The following COA1 variants were observed in gnomAD, a reference collection of about 807,000 sequenced individuals.
COA1 encodes cytochrome c oxidase assembly factor 1, also known as cytochrome c oxidase assembly factor 1 homolog.
In COA1, 13 loss-of-function variants were observed where a neutral mutation model predicts 16.0. That is an observed-to-expected ratio of 0.81 (90% CI 0.53 to 1.29). COA1 has a LOEUF of 1.29. Ranked by LOEUF, COA1 falls within the 50% of genes most tolerant of loss-of-function variation. The probability of loss-of-function intolerance (pLI) is 0.00; values close to 1 mark genes in which losing one functional copy is unlikely to be tolerated. For missense variants in COA1, 179 were observed against 177.0 expected (o/e 1.01, Z -0.06); for synonymous variants, 65 against 65.7 (o/e 0.99, Z 0.05).
chr7:43,705,295 C>T (rs536375049), intron 1 of COA1, among the ~76,000 whole-genome samples: 5 of 152,346 alleles, frequency 3.3e-5, no homozygotes, highest in South Asian at 2.1e-4. Flanking sequence ...CAGAGTGGCA[C>T]GGGGAAGCTG....
At chr7:43,693,119 T>C (rs990579955) in intron 1 of COA1, among the ~76,000 whole-genome samples, 2 of 152,142 alleles carry the variant, frequency 1.3e-5, no homozygotes, top group African/African-American at 4.8e-5. Context: ...TGCAGCCTTA[T>C]TCAGCCACAG....
chr7:43,653,283 G>T (rs536530540), intron 1 of COA1, among the ~76,000 whole-genome samples: 39 of 151,550 alleles, frequency 2.6e-4, no homozygotes, highest in Non-Finnish European at 5.0e-4. Context: ...CTGCACTCCA[G>T]CCTGGGCGAC....
rs183789445 is a variant in COA1 at position 43,664,660 on chromosome 7, T to C, written c.-38-16008A>G. Among the ~76,000 whole-genome samples, 447 of 152,212 alleles carry C rather than the reference T, an allele frequency of 2.9e-3. 3 individuals are homozygous for C. The highest frequency in any genetic ancestry group is 4.5e-3 in the Non-Finnish European group (307 of 67,988). On this transcript the variant is annotated intron_variant, in intron 1 of 5. Transcript: ENST00000223336. The stretch of plus-strand genomic sequence containing the variant: ...TATTTGGGAGCCTAAAGTAGGAGGG[T>C]CACTTGAGCCCAGGGGTTCAAGGCT...
chr7:43,700,110 G>A (rs1410949763), intron 1 of COA1, among the ~76,000 whole-genome samples: 2 of 152,038 alleles, frequency 1.3e-5, no homozygotes, highest in Non-Finnish European at 2.9e-5. Context: ...GATGCTCAAT[G>A]GCTTTAATGG....
chr7:43,639,652 A>G lies in COA1; in HGVS notation c.371T>C (p.Leu124Pro). Residue 124 changes from leucine to proline, a missense_variant, in exon 6 of 6, where the codon CTC (leucine) becomes CCC (proline). Physicochemically the swap from Leu to Pro is moderately conservative, Grantham distance 98. Transcript: ENST00000223336. The stretch of plus-strand genomic sequence containing the variant: ...CACAGGAATCTGCTGACCATCCTTG[A>G]GCTCTAAAAAGACCTCGTCAAGGTG... The part of the protein sequence containing the change: ...RWHLDEVFLE[L>P]KDGQQIPVFK... 1 of 1,614,080 alleles carries G rather than the reference A, an allele frequency of 6.2e-7. No individual in the cohort carries two copies. Among genetic ancestry groups the G allele is most frequent in the Middle Eastern group, 1.6e-4 (1 of 6,062 alleles).
chr7:43,700,591 C>CGTGTGTGTGTGTGTGTGTGT (rs58589217), intron 1 of COA1, among the ~76,000 whole-genome samples: 1 of 144,868 alleles, frequency 6.9e-6, no homozygotes, highest in Non-Finnish European at 1.5e-5. Context: ...TGTATATATA[C>CGTGTGTGTGTGTGTGTGTGT]GTGTGTGTGT....
intron 1 of COA1, among the ~76,000 whole-genome samples, chr7:43,709,466 G>GT (rs1458316161): frequency 1.7e-4 from 26 of 151,094 alleles, no homozygotes; most frequent in Admixed American, 5.9e-4. Context: ...GTGTGTGTGT[G>GT]TGTGTGTATA....
rs1249934302 is a variant in COA1, at chr7:43,639,402, G to A, written c.*180C>T. ...TTAAAAATGACAAATAGCATTTGTTGTGCCCAAGTTAGAATTACACCAAAA... is the reference window on the plus strand; with the variant it reads ...TTAAAAATGACAAATAGCATTTGTTATGCCCAAGTTAGAATTACACCAAAA... On this transcript the variant is annotated 3_prime_UTR_variant, in exon 6 of 6. Transcript: ENST00000223336. The A allele has an allele frequency of 2.0e-6, 1 of 493,166 alleles. No individual in the cohort carries two copies. The highest frequency in any genetic ancestry group is 3.4e-5 in the South Asian group (1 of 29,082). The allele number at this position is 493,166 out of a possible 1,614,324, so 30.5% of individuals were successfully genotyped here.
chr7:43,712,512 T>C (rs1390561221), intron 1 of COA1, among the ~76,000 whole-genome samples: 1 of 152,212 alleles, frequency 6.6e-6, no homozygotes, highest in African/African-American at 2.4e-5. Flanking sequence ...CCTGTATATG[T>C]GATCTGGGTT....
At chr7:43,669,134 T>C (rs998855155) in intron 1 of COA1, among the ~76,000 whole-genome samples, 4 of 152,070 alleles carry the variant, frequency 2.6e-5, no homozygotes, top group Admixed American at 6.5e-5. Context: ...CGATGCCCCT[T>C]CTCAGCAGGA....
intron 4 of COA1, among the ~76,000 whole-genome samples, chr7:43,641,249 G>T (rs1479046239): frequency 6.9e-6 from 1 of 144,348 alleles, no homozygotes; most frequent in Non-Finnish European, 1.5e-5. Context: ...ACAACTGGGT[G>T]TATTTGTTAA....
In COA1 at chr7:43,650,923, C is replaced by T. The variant is rs1350043936; in HGVS notation, c.-38-2271G>A. 3.3e-5 allele frequency among the ~76,000 whole-genome samples: 5 copies of T among 151,862 alleles called. No individual in the cohort carries two copies. The East Asian group carries it at 5.8e-4, about 18-fold the overall frequency. On this transcript the variant is annotated intron_variant, in intron 1 of 5. Coordinates refer to ENST00000223336, the MANE Select transcript of COA1 (RefSeq NM_018224.4). Reference sequence around the variant, plus strand: ...ACCAAGTCTCCCCAGAGCCCTTCCACGTCAAAGCAGGGGTTGGGGTGTGAG... The same window carrying T: ...ACCAAGTCTCCCCAGAGCCCTTCCATGTCAAAGCAGGGGTTGGGGTGTGAG...
At chr7:43,693,861 T>C (rs1427972833) in intron 1 of COA1, among the ~76,000 whole-genome samples, 2 of 152,078 alleles carry the variant, frequency 1.3e-5, no homozygotes, top group Non-Finnish European at 2.9e-5. Flanking sequence ...GACCTTGCTA[T>C]ACACTTATGA....
intron 6 of COA1, among the ~76,000 whole-genome samples, chr7:43,614,482 T>C (rs2083168114): frequency 6.6e-6 from 1 of 152,260 alleles, no homozygotes; most frequent in African/African-American, 2.4e-5. Flanking sequence ...AGGACATGTA[T>C]TTCGGCTTAT....
intron 1 of COA1, among the ~76,000 whole-genome samples, chr7:43,664,527 C>A (rs888633009): frequency 6.6e-6 from 1 of 152,148 alleles, no homozygotes; most frequent in Non-Finnish European, 1.5e-5. Flanking sequence ...ATTACAGAAG[C>A]ATGTTCACCT....
intron 1 of COA1, among the ~76,000 whole-genome samples, chr7:43,654,577 T>A (rs2091414998): frequency 6.8e-6 from 1 of 146,826 alleles, no homozygotes; most frequent in African/African-American, 2.4e-5. Flanking sequence ...TTCAGGAAGT[T>A]ATTGAAAAAA....
chr7:43,693,032 G>C (rs755496484), intron 1 of COA1, among the ~76,000 whole-genome samples: 2 of 152,152 alleles, frequency 1.3e-5, no homozygotes, highest in Non-Finnish European at 2.9e-5. Context: ...GAAATGGTAC[G>C]TTTACAAGCC....
rs1425261150 is a variant in COA1 at position 43,640,588 on chromosome 7, C to T, written c.326G>A (p.Gly109Asp). 2 of 1,607,586 alleles carry T rather than the reference C, an allele frequency of 1.2e-6. No homozygotes were observed. Among genetic ancestry groups the T allele is most frequent in the South Asian group, 1.1e-5 (1 of 89,812 alleles). Residue 109 changes from glycine (G) to aspartate (D), a missense_variant, in exon 5 of 6, where the codon GGT becomes GAT. By Grantham distance (94) the Gly-to-Asp change is moderately conservative. Transcript: ENST00000223336. ...CCCAGGATACCTCTGAAAGGGGCCA[C>T]CTCTGGATGAGTGGACGTAGAGAAG... Reference protein sequence around the residue: ...EGLLYVHSSRGGPFQRWHLDE... With the variant: ...EGLLYVHSSRDGPFQRWHLDE...
chr7:43,614,949 A>G (rs1310868471), intron 6 of COA1, among the ~76,000 whole-genome samples: 2 of 152,242 alleles, frequency 1.3e-5, no homozygotes, highest in Non-Finnish European at 2.9e-5. Flanking sequence ...TTTTAAGGGA[A>G]CAAATGGTAT....
Sources: gnomAD v4.1 joint callset for allele counts (sites outside exome capture counted in the v4.1 genomes callset) on GRCh38, gnomAD v4.1.1 for gene constraint, MANE v1.5 for transcripts, NCBI Gene and HGNC (gene_info 2026-07-23, HGNC 2026-07-21) for gene names.